The following RAB3IP variants were observed in gnomAD, a reference collection of about 807,000 sequenced individuals.
RAB3IP encodes rab-3A-interacting protein.
In RAB3IP, 36 loss-of-function variants were observed where a neutral mutation model predicts 59.1. The observed-to-expected ratio is 0.61, with a 90% CI of 0.47 to 0.80. RAB3IP has a LOEUF of 0.80. RAB3IP is among the 30% of genes least tolerant of loss of function. The pLI is 0.00. For synonymous variants in RAB3IP, 207 were observed against 191.2 expected (o/e 1.08, Z -0.68); for missense variants, 511 against 536.0 (o/e 0.95, Z 0.46).
In RAB3IP at chr12:69,820,090, G is replaced by C. The variant is rs1001957421; in HGVS notation, c.*4644G>C. ...GGTCTGCTTTTATTCATAGGCTTTTGTTTTCAGTGGTTTTTGTTGTTGCAT... is the reference window on the plus strand; with the variant it reads ...GGTCTGCTTTTATTCATAGGCTTTTCTTTTCAGTGGTTTTTGTTGTTGCAT... On this transcript the variant is annotated 3_prime_UTR_variant, in exon 11 of 11. Coordinates refer to ENST00000247833, the MANE Select transcript of RAB3IP (RefSeq NM_022456.5). 6.6e-6 allele frequency: 1 copy of C among 152,048 alleles called. No individual in the cohort carries two copies. The highest frequency in any genetic ancestry group is 2.4e-5 in the African/African-American group (1 of 41,388). 9.4% of individuals were successfully genotyped at this position (152,048 alleles called of 1,614,324 possible).
chr12:69,761,948 A>G (rs1158897112), intron 3 of RAB3IP, among the ~76,000 whole-genome samples: 1 of 152,142 alleles, frequency 6.6e-6, no homozygotes, highest in Non-Finnish European at 1.5e-5. Context: ...TGTTATTTGT[A>G]TCTAACCAAT....
Position 69,801,701 on chromosome 12 carries a change from A to G in RAB3IP, c.1110A>G (p.Ala370=), listed in dbSNP as rs1160142116. 4.3e-6 allele frequency: 7 copies of G among 1,611,766 alleles called. No individual in the cohort carries two copies. The highest frequency in any genetic ancestry group is 2.7e-5 in the African/African-American group (2 of 74,844). Residue 370 remains alanine, a synonymous_variant, in exon 8 of 11, where the codon GCA becomes GCG. Transcript: ENST00000247833. ...CTATCCGGTTTGTGAAAGCTTCTGCAGTTGAATGCGGAGGACCAAAGTAGG... is the reference window on the plus strand; with the variant it reads ...CTATCCGGTTTGTGAAAGCTTCTGCGGTTGAATGCGGAGGACCAAAGTAGG... ...LQPIRFVKAS[A]VECGGPKKCA... is the part of the protein sequence containing the mutation.
At chr12:69,753,216 G>C (rs192143672) in intron 1 of RAB3IP, among the ~76,000 whole-genome samples, 1 of 152,040 alleles carries the variant, frequency 6.6e-6, no homozygotes, top group Non-Finnish European at 1.5e-5. Context: ...TTTCAACTTT[G>C]CTGAAATCTT....
At chr12:69,738,259 C>T (rs1346307183), upstream of RAB3IP, 1 of 151,926 alleles carries the variant, frequency 6.6e-6, no homozygotes, top group Admixed American at 6.6e-5. Context: ...GATCTTGGCT[C>T]TTTCTGTATT....
intron 3 of RAB3IP, among the ~76,000 whole-genome samples, chr12:69,772,712 T>A (rs1873349367): frequency 6.6e-6 from 1 of 152,202 alleles, no homozygotes. Context: ...ATTTTGAATT[T>A]TTGATGTTAC....
chr12:69,740,064 G>C (rs1327773961), intron 1 of RAB3IP, among the ~76,000 whole-genome samples: 1 of 152,086 alleles, frequency 6.6e-6, no homozygotes, highest in East Asian at 1.9e-4. Flanking sequence ...ATTGGAGGAG[G>C]GGCCCATAAG....
At chr12:69,759,460 G>A (rs539015221) in intron 3 of RAB3IP, among the ~76,000 whole-genome samples, 62 of 151,816 alleles carry the variant, frequency 4.1e-4, no homozygotes, top group African/African-American at 1.1e-3. Context: ...CCACAAAACC[G>A]CCATCGTCAT....
chr12:69,778,442 G>C (rs1432138592), intron 3 of RAB3IP, among the ~76,000 whole-genome samples: 1 of 142,028 alleles, frequency 7.0e-6, no homozygotes, highest in Non-Finnish European at 1.5e-5. Context: ...ATCCAGCTTT[G>C]TTCTGTTGCT....
chr12:69,755,799 G>A (rs12371249), intron 2 of RAB3IP, 140 bp downstream of exon 2: 87,149 of 693,910 alleles, frequency 0.13, 6,650 homozygotes, highest in Non-Finnish European at 0.16. Flanking sequence ...ACCTGATAAT[G>A]TTCTAGAACA....
rs1881406179 is a variant in RAB3IP, at chr12:69,818,796, T to A, written c.*3350T>A. ...ACAAAACTTTTAAAAAGTAATAAAG[T>A]TCAAGATAGTGGTTACCTCTGGAGA... On this transcript the variant is annotated 3_prime_UTR_variant, in exon 11 of 11. Transcript: ENST00000247833. 2 of 152,202 alleles carry A rather than the reference T, an allele frequency of 1.3e-5. No individual in the cohort carries two copies. The highest frequency in any genetic ancestry group is 1.3e-4 in the Admixed American group (2 of 15,284). The allele number at this position is 152,202 out of a possible 1,614,324, so 9.4% of individuals were successfully genotyped here.
intron 4 of RAB3IP, among the ~76,000 whole-genome samples, chr12:69,791,755 A>G (rs191851253): frequency 1.3e-5 from 2 of 152,198 alleles, no homozygotes; most frequent in East Asian, 3.8e-4. Flanking sequence ...ACAGTATGGA[A>G]GTTTCTGCTC....
chr12:69,772,371 C>T lies in RAB3IP; in HGVS notation c.511-12349C>T, dbSNP rs542538728. ...GTTTTTTAAATTCATTCAGTCACTCCGTCTCTTATTGGAGATTTTAATCTG... is the reference window on the plus strand; with the variant it reads ...GTTTTTTAAATTCATTCAGTCACTCTGTCTCTTATTGGAGATTTTAATCTG... On this transcript the variant is annotated intron_variant, in intron 3 of 10. Transcript: ENST00000247833. 2.0e-4 allele frequency among the ~76,000 whole-genome samples: 30 copies of T among 152,106 alleles called. No individual in the cohort carries two copies. In the South Asian group the frequency reaches 5.6e-3, roughly 28 times the overall value.
chr12:69,750,543 G>GTT (rs11304094), intron 1 of RAB3IP, among the ~76,000 whole-genome samples: 124 of 116,302 alleles, frequency 1.1e-3, no homozygotes, highest in East Asian at 1.3e-3. Flanking sequence ...CCTCTACCTC[G>GTT]TTTTTTTTTT....
rs1881685771 is a variant in RAB3IP at position 69,821,013 on chromosome 12, T to C, written c.*5567T>C. ...GAAGAGGACTAAACTTGATAAAATA[T>C]TAAAAGAATTGAAACCCTTCCTAAA... On this transcript the variant is annotated 3_prime_UTR_variant, in exon 11 of 11. Transcript: ENST00000247833. 6.6e-6 allele frequency: 1 copy of C among 151,894 alleles called. No homozygotes were observed. The highest frequency in any genetic ancestry group is 1.5e-5 in the Non-Finnish European group (1 of 67,978). 9.4% of individuals were successfully genotyped at this position (151,894 alleles called of 1,614,324 possible).
chr12:69,755,626 G>A lies in RAB3IP; in HGVS notation c.218G>A (p.Arg73Lys). ...LPTQPVYSSPRRLNCAEISSI... is the reference protein window; with the variant it reads ...LPTQPVYSSPKRLNCAEISSI... ...ACACAACCCGTGTATTCATCCCCCA[G>A]ACGTTTAAATTGTGCGGAAATATCT... Residue 73 changes from arginine (R) to lysine (K), a missense_variant, in exon 2 of 11, where the codon AGA becomes AAA. Transcript: ENST00000247833. 1.2e-6 allele frequency: 2 copies of A among 1,613,564 alleles called. No individual in the cohort carries two copies. The highest frequency in any genetic ancestry group is 1.7e-6 in the Non-Finnish European group (2 of 1,179,790).
At chr12:69,814,375 T>C (rs1323322039) in intron 10 of RAB3IP, among the ~76,000 whole-genome samples, 1 of 152,124 alleles carries the variant, frequency 6.6e-6, no homozygotes, top group African/African-American at 2.4e-5. Context: ...TCATTTAGTA[T>C]GTGTGTTTGT....
At position 69,759,775 on chromosome 12, in the gene RAB3IP, G is replaced by A. The variant is rs539078816; in HGVS notation, c.510+3112G>A. 2.7e-4 allele frequency among the ~76,000 whole-genome samples: 41 copies of A among 151,318 alleles called. No individual in the cohort carries two copies. In the South Asian group the frequency reaches 6.1e-3, roughly 22 times the overall value. ...CCCCCACCTCCCTCCCGGATGGGGC[G>A]GCTGGCCGGGCGGGGGCTGACCTCC... On this transcript the variant is annotated intron_variant, in intron 3 of 10. Coordinates refer to ENST00000247833, the MANE Select transcript of RAB3IP (RefSeq NM_022456.5).
chr12:69,805,460 C>T (rs960131929), intron 8 of RAB3IP, among the ~76,000 whole-genome samples: 2 of 152,172 alleles, frequency 1.3e-5, no homozygotes, highest in Admixed American at 6.5e-5. Flanking sequence ...AATTTGACTT[C>T]CTCTTTTCCT....
At chr12:69,805,141 T>C (rs1211692969) in intron 8 of RAB3IP, among the ~76,000 whole-genome samples, 2 of 152,262 alleles carry the variant, frequency 1.3e-5, no homozygotes, top group Non-Finnish European at 2.9e-5. Context: ...TTGAATGTTC[T>C]TCCATTTGTT....
Sources: allele counts gnomAD v4.1 joint callset (sites outside exome capture counted in the v4.1 genomes callset), GRCh38; gene constraint gnomAD v4.1.1; transcripts MANE v1.5; gene names NCBI Gene and HGNC (gene_info 2026-07-23, HGNC 2026-07-21).